PIWIL2: variants seen among roughly 807,000 people sequenced by gnomAD.
The protein encoded by PIWIL2 is piwi like RNA-mediated gene silencing 2.
Under a neutral mutation model 116.5 loss-of-function variants are expected in PIWIL2, and 81 were observed. That is an observed-to-expected ratio of 0.70 (90% confidence interval 0.58 to 0.84). PIWIL2 has a LOEUF of 0.84. Ranked by LOEUF, PIWIL2 falls within the 40% of genes least tolerant of loss-of-function variation. The pLI is 0.00. For missense variants in PIWIL2, 1,272 were observed against 1,212.3 expected, an observed-to-expected ratio of 1.05 and a Z score of -0.73; for synonymous variants, 489 against 429.5, an observed-to-expected ratio of 1.14 and a Z score of -1.71.
chr8:22,338,732 T>C (rs1832038466), intron 20 of PIWIL2, among the ~76,000 whole-genome samples: 1 of 151,450 alleles, frequency 6.6e-6, no homozygotes, highest in Non-Finnish European at 1.5e-5. Context: ...ATAACAACAT[T>C]TATGCATTAG....
chr8:22,355,108 AAAAC>A (rs1832460780), intron 22 of PIWIL2, among the ~76,000 whole-genome samples: 1 of 152,050 alleles, frequency 6.6e-6, no homozygotes, highest in Non-Finnish European at 1.5e-5. Flanking sequence ...CAACAAAAAA[AAAAC>A]AGGGAAATGC....
Position 22,295,571 on chromosome 8 carries a change from A to G in PIWIL2, c.1181+5225A>G, listed in dbSNP as rs116789755. 1.4e-3 allele frequency among the ~76,000 whole-genome samples: 217 copies of G among 151,306 alleles called. 1 individual carries two copies. Among genetic ancestry groups the G allele is most frequent in the African/African-American group, 5.0e-3 (208 of 41,508 alleles). ...CAGGCATTACCCCGTTATGTCACAC[A>G]TGGACCCTCTCAGTGTAGCTGCTCA... is the stretch of plus-strand genomic sequence containing the variant. On this transcript the variant is annotated intron_variant, in intron 10 of 22. Transcript: ENST00000356766.
intron 7 of PIWIL2, 80 bp downstream of exon 7, chr8:22,287,725 G>C: frequency 1.1e-6 from 1 of 904,514 alleles, no homozygotes; most frequent in Non-Finnish European, 1.9e-6. Flanking sequence ...GCTTTTAAGA[G>C]ATTGGGTCTT....
intron 22 of PIWIL2, among the ~76,000 whole-genome samples, chr8:22,354,654 A>G (rs375468228): frequency 6.6e-6 from 1 of 152,214 alleles, no homozygotes; most frequent in South Asian, 2.1e-4. Context: ...ATTATGACAT[A>G]CAGCCAGACT....
chr8:22,323,336 C>T (rs1323201020), intron 20 of PIWIL2, among the ~76,000 whole-genome samples: 3 of 151,834 alleles, frequency 2.0e-5, no homozygotes, highest in Non-Finnish European at 4.4e-5. Context: ...TTAGTAGAGA[C>T]GGGGTATCAC....
chr8:22,306,624 C>A (rs1831187272), intron 13 of PIWIL2, among the ~76,000 whole-genome samples: 1 of 152,214 alleles, frequency 6.6e-6, no homozygotes, highest in African/African-American at 2.4e-5. Context: ...CGCTTGAACT[C>A]CTCTCTGCTG....
chr8:22,324,122 C>T (rs564104166), intron 20 of PIWIL2, among the ~76,000 whole-genome samples: 7 of 151,988 alleles, frequency 4.6e-5, no homozygotes, highest in Non-Finnish European at 8.8e-5. Flanking sequence ...ATTAGCTGGG[C>T]GTGGTGGTGG....
chr8:22,298,363 G>T (rs1007980502), intron 10 of PIWIL2, among the ~76,000 whole-genome samples: 16 of 152,178 alleles, frequency 1.1e-4, no homozygotes, highest in African/African-American at 3.6e-4. Flanking sequence ...TTATATGCTG[G>T]AGGCTGTACT....
chr8:22,283,346 G>A, intron 5 of PIWIL2, 106 bp downstream of exon 5: 1 of 799,662 alleles, frequency 1.3e-6, no homozygotes, highest in Non-Finnish European at 2.1e-6. Context: ...TCCTCCCTGG[G>A]TAATAATACT....
At chr8:22,280,370 A>G (rs1830472619) in intron 2 of PIWIL2, among the ~76,000 whole-genome samples, 1 of 152,220 alleles carries the variant, frequency 6.6e-6, no homozygotes, top group Non-Finnish European at 1.5e-5. Context: ...CTTAACGTGT[A>G]TATGTTCTTA....
intron 10 of PIWIL2, among the ~76,000 whole-genome samples, chr8:22,293,879 AT>A (rs1830823107): frequency 6.6e-6 from 1 of 152,114 alleles, no homozygotes; most frequent in African/African-American, 2.4e-5. Context: ...TATTTTCAGA[AT>A]TTTCATGGTG....
At chr8:22,345,239 T>C (rs1414426824) in intron 20 of PIWIL2, among the ~76,000 whole-genome samples, 3 of 152,182 alleles carry the variant, frequency 2.0e-5, no homozygotes, top group Non-Finnish European at 4.4e-5. Context: ...CCAAGAATTC[T>C]AGTCCTAGGT....
intron 11 of PIWIL2, 31 bp from the exon 12 acceptor site, chr8:22,304,753 G>T (rs1385938622): frequency 7.2e-7 from 1 of 1,379,702 alleles, no homozygotes; most frequent in African/African-American, 1.4e-5. Flanking sequence ...TGCTGCTTCT[G>T]AAATTTTTTC....
chr8:22,355,626 C>T lies in PIWIL2; in HGVS notation c.*121C>T. The T allele has an allele frequency of 1.2e-6, 1 of 814,138 alleles. No individual in the cohort carries two copies. Among genetic ancestry groups the T allele is most frequent in the Non-Finnish European group, 1.9e-6 (1 of 525,772 alleles). 50.4% of individuals were successfully genotyped at this position (814,138 alleles called of 1,614,324 possible). A position where few individuals can be genotyped will look rare whatever the true frequency, so the allele number is the denominator to read the frequency against. ...TGTTATAATTTTCCCTTTCTCCAAC[C>T]CTGTAGAATAAGATTTCTTTCTTGT... is the stretch of plus-strand genomic sequence containing the variant. On this transcript the variant is annotated 3_prime_UTR_variant, in exon 23 of 23. Coordinates refer to ENST00000356766, the MANE Select transcript of PIWIL2 (RefSeq NM_018068.5).
chr8:22,297,480 T>A (rs1219722164), intron 10 of PIWIL2, among the ~76,000 whole-genome samples: 1 of 151,816 alleles, frequency 6.6e-6, no homozygotes, highest in Non-Finnish European at 1.5e-5. Context: ...ATCTTTTTAA[T>A]TTTTTTTTAT....
intron 20 of PIWIL2, among the ~76,000 whole-genome samples, chr8:22,343,599 A>G (rs1381256412): frequency 6.6e-6 from 1 of 152,232 alleles, no homozygotes. Flanking sequence ...CTCCGTCTCA[A>G]AAATAGGTAG....
Position 22,353,205 on chromosome 8 carries a change from T to A in PIWIL2, c.2650T>A (p.Cys884Ser). ...TGTGGTAGATCATACAATAACAAGC[T>A]GTGAGTGGTAAGTGAGCAAAATATG... ...GTVVDHTITS[C>S]EWVDFYLLAH... Residue 884 changes from cysteine to serine, a missense_variant, in exon 21 of 23, where the codon TGT becomes AGT. Coordinates refer to ENST00000356766, the MANE Select transcript of PIWIL2 (RefSeq NM_018068.5). 2 of 1,610,704 alleles carry A rather than the reference T, an allele frequency of 1.2e-6. No individual in the cohort carries two copies. The highest frequency in any genetic ancestry group is 1.7e-6 in the Non-Finnish European group (2 of 1,177,370).
chr8:22,297,855 T>C (rs1317115913), intron 10 of PIWIL2, among the ~76,000 whole-genome samples: 3 of 152,202 alleles, frequency 2.0e-5, no homozygotes, highest in Non-Finnish European at 4.4e-5. Context: ...TGAAGCCTTA[T>C]CTGGCTTCTA....
At chr8:22,307,473 A>ATTTT (rs56755716) in intron 13 of PIWIL2, among the ~76,000 whole-genome samples, 2 of 111,258 alleles carry the variant, frequency 1.8e-5, no homozygotes, top group African/African-American at 4.4e-5. Flanking sequence ...TTTATTATTC[A>ATTTT]TTTTTTTTTT....
Sources: gnomAD v4.1 joint callset for allele counts (sites outside exome capture counted in the v4.1 genomes callset) on GRCh38, gnomAD v4.1.1 for gene constraint, MANE v1.5 for transcripts, NCBI Gene and HGNC (gene_info 2026-07-23, HGNC 2026-07-21) for gene names.